Variants in KANK4 observed in about 807,000 individuals in gnomAD.
The protein encoded by KANK4 is KN motif and ankyrin repeat domain-containing protein 4.
A neutral mutation model predicts 80.8 loss-of-function variants in KANK4; 50 were observed. That is an observed-to-expected ratio of 0.62 (90% CI 0.49 to 0.78). The LOEUF is 0.78. KANK4 is among the 30% of genes least tolerant of loss of function. KANK4 has a pLI of 0.00. For missense variants in KANK4, 1,196 were observed against 1,240.1 expected, an observed-to-expected ratio of 0.96 and a Z score of 0.53; for synonymous variants, 465 against 506.9, an observed-to-expected ratio of 0.92 and a Z score of 1.11.
At chr1:62,287,602 C>A (rs1672598087) in intron 1 of KANK4, among the ~76,000 whole-genome samples, 1 of 152,176 alleles carries the variant, frequency 6.6e-6, no homozygotes, top group Non-Finnish European at 1.5e-5. Context: ...AGGGATGAAT[C>A]TCCCCATTGT....
At chr1:62,245,211 A>G (rs1363475961) in intron 9 of KANK4, among the ~76,000 whole-genome samples, 1 of 152,242 alleles carries the variant, frequency 6.6e-6, no homozygotes, top group African/African-American at 2.4e-5. Context: ...GCTCATTAAC[A>G]CAGATCCTTT....
At chr1:62,282,333 C>T (rs180682568) in intron 1 of KANK4, among the ~76,000 whole-genome samples, 2 of 152,316 alleles carry the variant, frequency 1.3e-5, no homozygotes, top group African/African-American at 4.8e-5. Context: ...ACTCTTTCTT[C>T]AAATGGTAAA....
rs138063514 is a variant in KANK4, at chr1:62,301,074, G to A, written c.-71+18032C>T. 4.1e-4 allele frequency among the ~76,000 whole-genome samples: 62 copies of A among 152,138 alleles called. 1 individual carries two copies. The East Asian group carries it at 0.011, about 26-fold the overall frequency. ...GTCTTCCTGACTGAGTTTCGGCTCC[G>A]TGACAGCTCAATGCCTTTTGTGTTC... On this transcript the variant is annotated intron_variant, in intron 1 of 9. Coordinates refer to ENST00000371153, the MANE Select transcript of KANK4 (RefSeq NM_181712.5).
At position 62,274,686 on chromosome 1, in the gene KANK4, A is replaced by C; in HGVS notation, c.418T>G (p.Leu140Val). ...KALLAEATRQ[L>V]EAAEPEDAEL... is the part of the protein sequence containing the mutation. ...GCATCCTCTGGCTCAGCAGCTTCCA[A>C]CTGTCTGGTGGCCTCTGCCAACAGA... Residue 140 changes from leucine (L) to valine (V), a missense_variant, in exon 3 of 10, where the codon TTG becomes GTG. Leu to Val is a conservative substitution (Grantham distance 32). This residue lies in a region of KANK4 where 1,154 missense variants were observed against 1,179.6 expected (regional missense o/e 0.98). Transcript: ENST00000371153. The C allele has an allele frequency of 6.2e-7, 1 of 1,614,154 alleles. No individual in the cohort carries two copies. The highest frequency in any genetic ancestry group is 8.5e-7 in the Non-Finnish European group (1 of 1,180,030).
chr1:62,263,610 G>T (rs145806619), intron 6 of KANK4, among the ~76,000 whole-genome samples: 141 of 152,238 alleles, frequency 9.3e-4, no homozygotes, highest in African/African-American at 3.3e-3. Flanking sequence ...ACACCCCCCA[G>T]TAAGAAGTTT....
In KANK4 at chr1:62,247,483, G is replaced by A; in HGVS notation, c.2872C>T (p.Leu958=). 6.2e-7 allele frequency: 1 copy of A among 1,613,926 alleles called. No homozygotes were observed. The highest frequency in any genetic ancestry group is 1.7e-4 in the Middle Eastern group (1 of 5,952). Residue 958 remains leucine (L), a synonymous_variant, in exon 9 of 10, where the codon CTG becomes TTG. Transcript: ENST00000371153. The part of the protein sequence containing the change: ...LLAHPACDSS[L]TDKAGRTALS... ...CCTGTAAGTCTCACCTTGTCAGTCA[G>A]GCTGCTGTCGCAGGCTGGGTGTGCC... is the stretch of plus-strand genomic sequence containing the variant.
Position 62,237,555 on chromosome 1 carries a change from A to T in KANK4, c.*722T>A, listed in dbSNP as rs1671236137. The T allele has an allele frequency of 1.3e-5, 2 of 152,112 alleles. No homozygotes were observed. Among genetic ancestry groups the T allele is most frequent in the South Asian group, 4.1e-4 (2 of 4,826 alleles). 9.4% of individuals were successfully genotyped at this position (152,112 alleles called of 1,614,324 possible). On this transcript the variant is annotated 3_prime_UTR_variant, in exon 10 of 10. Coordinates refer to ENST00000371153, the MANE Select transcript of KANK4 (RefSeq NM_181712.5). ...TCTTTTTTTTCTTTATTACATAGCA[A>T]CTTACTAGATAATAAATTTCTTAAT...
chr1:62,274,435 C>A lies in KANK4; in HGVS notation c.669G>T (p.Arg223=), dbSNP rs1450821339. Residue 223 remains arginine, a synonymous_variant, in exon 3 of 10, where the codon CGG becomes CGT. Coordinates refer to ENST00000371153, the MANE Select transcript of KANK4 (RefSeq NM_181712.5). ...FHSSSPRAST[R]IPELVQEGAE... ...CTCCCTCCTGGACCAGCTCTGGAAT[C>A]CGAGTTGATGCTCGTGGGCTGGAGC... is the stretch of plus-strand genomic sequence containing the variant. 1 of 1,614,084 alleles carries A rather than the reference C, an allele frequency of 6.2e-7. No individual in the cohort carries two copies. Among genetic ancestry groups the A allele is most frequent in the Non-Finnish European group, 8.5e-7 (1 of 1,180,050 alleles).
intron 8 of KANK4, among the ~76,000 whole-genome samples, chr1:62,251,605 G>A (rs1203426079): frequency 1.3e-5 from 2 of 152,156 alleles, no homozygotes; most frequent in Admixed American, 1.3e-4. Context: ...GGCCCCAGAA[G>A]ATGAATAGAG....
rs1157264863 is a variant in KANK4, at chr1:62,263,169, TC to T, written c.2461del (p.Asp821IlefsTer20). On this transcript the variant is annotated frameshift_variant, in exon 7 of 10. Coordinates refer to ENST00000371153, the MANE Select transcript of KANK4 (RefSeq NM_181712.5). LOFTEE classifies it high-confidence loss of function. ...HFLKLLVNLA[D>X]HNGNTALHYS... ...GTGAAGGGCCGTGTTCCCGTTGTGA[TC>T]GGCCAAGTTGACAAGCAGTTTCAGG... 6.2e-7 allele frequency: 1 copy of T among 1,613,988 alleles called. No homozygotes were observed. Among genetic ancestry groups the T allele is most frequent in the South Asian group, 1.1e-5 (1 of 91,038 alleles).
At chr1:62,317,751 G>A (rs1644553989) in intron 1 of KANK4, among the ~76,000 whole-genome samples, 2 of 152,162 alleles carry the variant, frequency 1.3e-5, no homozygotes, top group Non-Finnish European at 2.9e-5. Context: ...ACTCAGCACT[G>A]GAGAATTCTC....
rs953897991 is a variant in KANK4, at chr1:62,238,442, G to A, written c.2884-61C>T. 4.1e-6 allele frequency: 6 copies of A among 1,474,182 alleles called. No individual in the cohort carries two copies. In the African/African-American group the frequency reaches 8.3e-5, roughly 20 times the overall value. 91.3% of individuals were successfully genotyped at this position (1,474,182 alleles called of 1,614,324 possible). A position where few individuals can be genotyped will look rare whatever the true frequency, so the allele number is the denominator to read the frequency against. ...TCCAATCTGCCTCCTGCCTGGGGGA[G>A]AAGGGCAAGTTGGGAGTAGAGGGTA... On this transcript the variant is annotated intron_variant, in intron 9 of 9. Coordinates refer to ENST00000371153, the MANE Select transcript of KANK4 (RefSeq NM_181712.5).
chr1:62,254,422 A>G (rs1013105684), intron 7 of KANK4, among the ~76,000 whole-genome samples: 2 of 151,166 alleles, frequency 1.3e-5, no homozygotes, highest in Non-Finnish European at 1.5e-5. Context: ...TTGTATTTTT[A>G]GTAGAGACAG....
intron 1 of KANK4, among the ~76,000 whole-genome samples, chr1:62,313,758 T>TA (rs1437688080): frequency 1.3e-5 from 2 of 152,122 alleles, no homozygotes; most frequent in Non-Finnish European, 2.9e-5. Context: ...ATGCGGGGCT[T>TA]AAAACCTAGA....
intron 5 of KANK4, among the ~76,000 whole-genome samples, chr1:62,267,537 C>T (rs1342976217): frequency 2.0e-5 from 3 of 152,196 alleles, no homozygotes; most frequent in East Asian, 1.9e-4. Context: ...CACGGTAGCT[C>T]ATGCCTATAA....
At chr1:62,309,668 TC>T (rs1256365811) in intron 1 of KANK4, among the ~76,000 whole-genome samples, 2 of 152,300 alleles carry the variant, frequency 1.3e-5, no homozygotes, top group South Asian at 4.1e-4. Context: ...TATAATACAA[TC>T]TTTTTTGTCC....
At chr1:62,282,398 G>T (rs1219330446) in intron 1 of KANK4, among the ~76,000 whole-genome samples, 1 of 152,162 alleles carries the variant, frequency 6.6e-6, no homozygotes, top group East Asian at 1.9e-4. Flanking sequence ...GGCTTTTTAT[G>T]ATTGTAACTC....
intron 2 of KANK4, among the ~76,000 whole-genome samples, chr1:62,278,393 C>T (rs867364599): frequency 0.11 from 2,062 of 18,384 alleles, 279 homozygotes; most frequent in East Asian, 0.18. Flanking sequence ...TTCTTTCTTT[C>T]TTTCTTTTTT....
At chr1:62,268,889 GA>G (rs1199270939) in intron 4 of KANK4, among the ~76,000 whole-genome samples, 1 of 152,154 alleles carries the variant, frequency 6.6e-6, no homozygotes, top group Non-Finnish European at 1.5e-5. Context: ...GTTAGGTCCG[GA>G]GAGGGGCCCA....
Sources: allele counts gnomAD v4.1 joint callset (sites outside exome capture counted in the v4.1 genomes callset), GRCh38; gene constraint gnomAD v4.1.1; regional missense constraint gnomAD v4.1.1; transcripts MANE v1.5; gene names NCBI Gene and HGNC (gene_info 2026-07-23, HGNC 2026-07-21).